The following NOVA1 variants were observed in gnomAD, a reference collection of about 807,000 sequenced individuals.
NOVA1 encodes NOVA alternative splicing regulator 1.
A neutral mutation model predicts 38.0 loss-of-function variants in NOVA1; 7 were observed. That is an observed-to-expected ratio of 0.18 (90% CI 0.10 to 0.35). The LOEUF is 0.35. NOVA1 is among the 10% of genes least tolerant of loss of function. The pLI, the probability that NOVA1 is intolerant of heterozygous loss-of-function variation, is 1.00. For missense variants in NOVA1, 460 were observed against 616.0 expected (o/e 0.75, Z 2.68); for synonymous variants, 270 against 232.5 (o/e 1.16, Z -1.47).
At chr14:26,540,942 G>T (rs1890429207) in intron 2 of NOVA1, among the ~76,000 whole-genome samples, 1 of 152,060 alleles carries the variant, frequency 6.6e-6, no homozygotes, top group East Asian at 1.9e-4. Flanking sequence ...ACTTCTTGTG[G>T]TAAGTAATGA....
intron 2 of NOVA1, chr14:26,593,103 T>C (rs773006152): frequency 1.3e-5 from 2 of 151,822 alleles, no homozygotes; most frequent in African/African-American, 2.4e-5. Context: ...AAGAACTTCA[T>C]ATATGTATGA....
At chr14:26,582,896 C>G (rs1893307835) in intron 2 of NOVA1, among the ~76,000 whole-genome samples, 1 of 151,750 alleles carries the variant, frequency 6.6e-6, no homozygotes, top group African/African-American at 2.4e-5. Context: ...GTACATTAAA[C>G]ATGCCATTTC....
At chr14:26,536,501 C>T (rs1320072069) in intron 2 of NOVA1, among the ~76,000 whole-genome samples, 2 of 150,756 alleles carry the variant, frequency 1.3e-5, no homozygotes, top group African/African-American at 4.9e-5. Context: ...AATATGTAGC[C>T]ATAAAAATGT....
chr14:26,574,413 T>C (rs1483290557), intron 2 of NOVA1, among the ~76,000 whole-genome samples: 6 of 151,994 alleles, frequency 3.9e-5, no homozygotes, highest in Admixed American at 1.3e-4. Flanking sequence ...AAATTATTAG[T>C]GTATATTGTA....
At chr14:26,563,498 A>T (rs1197566170) in intron 2 of NOVA1, among the ~76,000 whole-genome samples, 1 of 152,076 alleles carries the variant, frequency 6.6e-6, no homozygotes, top group African/African-American at 2.4e-5. Flanking sequence ...AAGGAAAATA[A>T]GAAAATCAGA....
chr14:26,556,941 G>C (rs1399227597), intron 2 of NOVA1, among the ~76,000 whole-genome samples: 1 of 152,154 alleles, frequency 6.6e-6, no homozygotes, highest in Non-Finnish European at 1.5e-5. Flanking sequence ...AGTACTGGAG[G>C]TTGTAAGAGG....
At chr14:26,520,732 T>G (rs1888813644) in intron 2 of NOVA1, among the ~76,000 whole-genome samples, 1 of 152,108 alleles carries the variant, frequency 6.6e-6, no homozygotes, top group Non-Finnish European at 1.5e-5. Context: ...AAATTTGCAA[T>G]TATGGAATCC....
intron 2 of NOVA1, among the ~76,000 whole-genome samples, chr14:26,577,273 T>C (rs1180868801): frequency 1.3e-5 from 2 of 152,104 alleles, no homozygotes; most frequent in Non-Finnish European, 1.5e-5. Context: ...TAAAAATAAT[T>C]ATGCTACTAT....
chr14:26,545,583 G>A, intron 2 of NOVA1, among the ~76,000 whole-genome samples: 1 of 152,124 alleles, frequency 6.6e-6, no homozygotes, highest in Admixed American at 6.6e-5. Context: ...GCCACTGAAG[G>A]TTTGGTAACA....
At chr14:26,530,565 G>A (rs895360364) in intron 2 of NOVA1, among the ~76,000 whole-genome samples, 8 of 152,226 alleles carry the variant, frequency 5.3e-5, no homozygotes, top group South Asian at 2.1e-4. Flanking sequence ...GACTGGAAGC[G>A]TAGGTAAAAT....
At chr14:26,570,604 A>G (rs887682233) in intron 2 of NOVA1, among the ~76,000 whole-genome samples, 7 of 152,094 alleles carry the variant, frequency 4.6e-5, no homozygotes, top group African/African-American at 1.7e-4. Flanking sequence ...GTGTATACAT[A>G]TGTATATGTA....
chr14:26,466,540 G>A, intron 4 of NOVA1, among the ~76,000 whole-genome samples: 1 of 152,068 alleles, frequency 6.6e-6, no homozygotes, highest in Non-Finnish European at 1.5e-5. Context: ...GGACATCTTT[G>A]GGAAAACAAA....
intron 2 of NOVA1, among the ~76,000 whole-genome samples, chr14:26,515,476 T>C (rs139017847): frequency 4.1e-3 from 629 of 152,114 alleles, no homozygotes; most frequent in Non-Finnish European, 7.0e-3. Context: ...ATACATACTA[T>C]ACTAATCAAT....
At chr14:26,573,760 T>C (rs1233965801) in intron 2 of NOVA1, among the ~76,000 whole-genome samples, 3 of 152,020 alleles carry the variant, frequency 2.0e-5, no homozygotes, top group African/African-American at 7.2e-5. Flanking sequence ...TTGAAAAAGA[T>C]GAAAAAAGTT....
chr14:26,518,645 T>G (rs868400186), intron 2 of NOVA1, among the ~76,000 whole-genome samples: 4 of 152,092 alleles, frequency 2.6e-5, no homozygotes, highest in Non-Finnish European at 4.4e-5. Flanking sequence ...ATCATTTCTT[T>G]GTAGTGAGAA....
At chr14:26,486,295 TG>T (rs1292896971) in intron 2 of NOVA1, among the ~76,000 whole-genome samples, 2 of 152,176 alleles carry the variant, frequency 1.3e-5, no homozygotes, top group Non-Finnish European at 2.9e-5. Flanking sequence ...CACTTATTTT[TG>T]CTGTTTGCTA....
intron 2 of NOVA1, among the ~76,000 whole-genome samples, chr14:26,580,433 T>A (rs1893140973): frequency 6.6e-6 from 1 of 152,090 alleles, no homozygotes; most frequent in Non-Finnish European, 1.5e-5. Context: ...TATTACAAAT[T>A]CACATGCCTA....
intron 2 of NOVA1, among the ~76,000 whole-genome samples, chr14:26,506,127 G>C (rs1427322133): frequency 1.3e-5 from 2 of 152,146 alleles, no homozygotes; most frequent in East Asian, 1.9e-4. Context: ...ATAGTAATTA[G>C]AGCCTTCTAA....
chr14:26,507,999 T>C (rs1023803699), intron 2 of NOVA1, among the ~76,000 whole-genome samples: 1 of 152,014 alleles, frequency 6.6e-6, no homozygotes, highest in Non-Finnish European at 1.5e-5. Flanking sequence ...AAGCAAAAGC[T>C]TCTAGTAAAA....
Sources: gnomAD v4.1 joint callset for allele counts (sites outside exome capture counted in the v4.1 genomes callset) on GRCh38, gnomAD v4.1.1 for gene constraint, MANE v1.5 for transcripts, NCBI Gene and HGNC (gene_info 2026-07-23, HGNC 2026-07-21) for gene names.